Variants in LNX1 observed in about 807,000 individuals in gnomAD.
LNX1 encodes ligand of numb-protein X 1.
Under a neutral mutation model 68.4 loss-of-function variants are expected in LNX1, and 54 were observed. That is an observed-to-expected ratio of 0.79 (90% CI 0.63 to 0.99). The LOEUF (loss-of-function observed/expected upper bound fraction) is 0.99. Ranked by LOEUF, LNX1 falls within the 50% of genes least tolerant of loss-of-function variation. The pLI, the probability that LNX1 is intolerant of heterozygous loss-of-function variation, is 0.00. For missense variants in LNX1, 906 were observed against 926.4 expected (o/e 0.98, Z 0.29); for synonymous variants, 336 against 350.0 (o/e 0.96, Z 0.45).
At chr4:53,624,280 T>C (rs1471662438) in intron 1 of LNX1, among the ~76,000 whole-genome samples, 1 of 152,188 alleles carries the variant, frequency 6.6e-6, no homozygotes, top group Non-Finnish European at 1.5e-5. Flanking sequence ...TTCCCACATG[T>C]AGTGGAAGGG....
chr4:53,610,780 A>G (rs756430984), intron 2 of LNX1, among the ~76,000 whole-genome samples: 3 of 151,728 alleles, frequency 2.0e-5, no homozygotes, highest in Non-Finnish European at 2.9e-5. Context: ...AAGAATAAAG[A>G]GAGATAAATA....
At chr4:53,600,720 T>C (rs1020839506) in intron 2 of LNX1, among the ~76,000 whole-genome samples, 2 of 151,370 alleles carry the variant, frequency 1.3e-5, no homozygotes, top group Non-Finnish European at 2.9e-5. Flanking sequence ...TTTTTTATTT[T>C]TATTTTTATT....
rs1731339145 is a variant in LNX1, at chr4:53,574,085, A to G, written c.-83T>C. The G allele has an allele frequency of 6.6e-7, 1 of 1,503,966 alleles. No individual in the cohort carries two copies. 93.2% of individuals were successfully genotyped at this position (1,503,966 alleles called of 1,614,324 possible). ...AAGTCAAGATCTAGGAGACATCCAC[A>G]CACCTAAAAAAGAACAAGAAGGCTC... On this transcript the variant is annotated 5_prime_UTR_variant, in exon 2 of 11. Coordinates refer to ENST00000263925, the MANE Select transcript of LNX1 (RefSeq NM_001126328.3).
chr4:53,459,772 T>C lies in LNX1; in HGVS notation c.*1135A>G. On this transcript the variant is annotated 3_prime_UTR_variant, in exon 11 of 11. Coordinates refer to ENST00000263925, the MANE Select transcript of LNX1 (RefSeq NM_001126328.3). ...TCTGAGAAAAGGTCAAGGGTTCCAC[T>C]TGGGCCACAGTTTTTTTGTTAATCA... 1 of 328,776 alleles carries C rather than the reference T, an allele frequency of 3.0e-6. No homozygotes were observed. Among genetic ancestry groups the C allele is most frequent in the Non-Finnish European group, 5.6e-6 (1 of 177,198 alleles). 20.4% of individuals were successfully genotyped at this position (328,776 alleles called of 1,614,324 possible).
chr4:53,612,536 C>T (rs560035143), intron 2 of LNX1, among the ~76,000 whole-genome samples: 5 of 152,178 alleles, frequency 3.3e-5, no homozygotes, highest in South Asian at 2.1e-4. Context: ...TGGAAAAATA[C>T]AGTCATTAAG....
chr4:53,582,907 G>A (rs780301333), intron 1 of LNX1, among the ~76,000 whole-genome samples: 2 of 152,008 alleles, frequency 1.3e-5, no homozygotes, highest in Non-Finnish European at 2.9e-5. Flanking sequence ...ACCAGCGCCT[G>A]CCACTTCTTC....
At chr4:53,559,990 T>G (rs1278078902) in intron 2 of LNX1, among the ~76,000 whole-genome samples, 1 of 152,192 alleles carries the variant, frequency 6.6e-6, no homozygotes, top group Non-Finnish European at 1.5e-5. Flanking sequence ...TTAGCGATAG[T>G]GAATGAGCCT....
intron 2 of LNX1, among the ~76,000 whole-genome samples, chr4:53,559,309 A>G (rs1179566486): frequency 3.9e-5 from 6 of 152,238 alleles, no homozygotes; most frequent in Non-Finnish European, 8.8e-5. Flanking sequence ...AACATGGGAT[A>G]TAATAATTCA....
At chr4:53,563,635 AG>A (rs1472182286) in intron 2 of LNX1, among the ~76,000 whole-genome samples, 1 of 151,774 alleles carries the variant, frequency 6.6e-6, no homozygotes, top group African/African-American at 2.4e-5. Flanking sequence ...CCCAGGTTCA[AG>A]CGATTCTCCT....
chr4:53,640,442 G>A (rs1263186634), intron 1 of LNX1, among the ~76,000 whole-genome samples: 1 of 152,178 alleles, frequency 6.6e-6, no homozygotes, highest in Admixed American at 6.5e-5. Flanking sequence ...AAAATGGGGG[G>A]AGAGAAGGAA....
intron 2 of LNX1, among the ~76,000 whole-genome samples, chr4:53,608,729 G>T (rs1340465611): frequency 1.3e-5 from 2 of 152,120 alleles, no homozygotes; most frequent in Non-Finnish European, 2.9e-5. Flanking sequence ...ATCAACGGTA[G>T]AATGGATAAA....
At chr4:53,563,438 A>G (rs768566872) in intron 2 of LNX1, among the ~76,000 whole-genome samples, 6 of 152,214 alleles carry the variant, frequency 3.9e-5, no homozygotes, top group Non-Finnish European at 5.9e-5. Context: ...ATTCTTCTTA[A>G]TATCCCTCCT....
In LNX1 at chr4:53,581,673, G is replaced by T. The variant is rs138220871; in HGVS notation, c.-86-7585C>A. Among the ~76,000 whole-genome samples the T allele has an allele frequency of 9.1e-3, 1,382 of 152,160 alleles. 19 individuals are homozygous for T. The highest frequency in any genetic ancestry group is 0.026 in the African/African-American group (1,100 of 41,530). The stretch of plus-strand genomic sequence containing the variant: ...TATCTCATGAGACTTACTCACTATC[G>T]CAAGAATAGCATGGGAAAAACCCGC... On this transcript the variant is annotated intron_variant, in intron 1 of 10. Transcript: ENST00000263925.
chr4:53,511,900 G>A lies in LNX1; in HGVS notation c.381-3673C>T, dbSNP rs371291378. Among the ~76,000 whole-genome samples the A allele has an allele frequency of 1.1e-4, 17 of 152,260 alleles. No individual in the cohort carries two copies. The East Asian group carries it at 1.9e-3, about 17-fold the overall frequency. On this transcript the variant is annotated intron_variant, in intron 2 of 10. Transcript: ENST00000263925. ...AACTTACCCACTTATAATAGAATAA[G>A]AGTTGTTCACAAAGTGAACCTCAAT...
rs113393997 is a variant in LNX1 at position 53,598,195 on chromosome 4, C to T, written c.-214-6680G>A. Among the ~76,000 whole-genome samples, 1,104 of 152,010 alleles carry T rather than the reference C, an allele frequency of 7.3e-3. 7 individuals carry two copies. Among genetic ancestry groups the T allele is most frequent in the Non-Finnish European group, 0.01 (689 of 67,976 alleles). On this transcript the variant is annotated intron_variant, in intron 2 of 3. Transcript: ENST00000504299. Reference sequence around the variant, plus strand: ...CAGATATTGATGCCTGTTCTGCACTCGTGACATACTCTACTTCAGCAATTA... The same window carrying T: ...CAGATATTGATGCCTGTTCTGCACTTGTGACATACTCTACTTCAGCAATTA...
At chr4:53,497,914 T>C (rs1260867560) in intron 5 of LNX1, among the ~76,000 whole-genome samples, 2 of 152,260 alleles carry the variant, frequency 1.3e-5, no homozygotes, top group Non-Finnish European at 2.9e-5. Flanking sequence ...GATAGAACTG[T>C]TATCTGAGTG....
At chr4:53,553,946 G>A (rs529600644) in intron 2 of LNX1, among the ~76,000 whole-genome samples, 5 of 152,340 alleles carry the variant, frequency 3.3e-5, no homozygotes, top group African/African-American at 1.2e-4. Context: ...CCTGCATGTG[G>A]TTCGGAGTTC....
chr4:53,498,761 G>C lies in LNX1; in HGVS notation c.858C>G (p.Leu286=). 1 of 1,613,796 alleles carries C rather than the reference G, an allele frequency of 6.2e-7. No individual in the cohort carries two copies. Residue 286 remains leucine, a synonymous_variant, in exon 5 of 11, where the codon CTC becomes CTG. Transcript: ENST00000263925. ...KINRVDPSES[L]SIRLVGGSET... ...CGCTACCTCCCACCAGCCTAATAGA[G>C]AGGCTTTCACTGGGATCTACTCGAT...
rs141544843 is a variant in LNX1, at chr4:53,561,919, T to C, written c.380+11704A>G. Among the ~76,000 whole-genome samples the C allele has an allele frequency of 6.3e-3, 922 of 146,890 alleles. 11 individuals are homozygous for C. Among genetic ancestry groups the C allele is most frequent in the African/African-American group, 0.024 (880 of 37,426 alleles). On this transcript the variant is annotated intron_variant, in intron 2 of 10. Coordinates refer to ENST00000263925, the MANE Select transcript of LNX1 (RefSeq NM_001126328.3). ...CAAACCTGAACGTTCTGTACGTGTA[T>C]CCCAGAATTAAAAAAAAGGAAAAAG... is the stretch of plus-strand genomic sequence containing the variant.
Sources: gnomAD v4.1 joint callset for allele counts (sites outside exome capture counted in the v4.1 genomes callset) on GRCh38, gnomAD v4.1.1 for gene constraint, MANE v1.5 for transcripts, NCBI Gene and HGNC (gene_info 2026-07-23, HGNC 2026-07-21) for gene names.